The following ARHGEF33 variants were observed in gnomAD, a reference collection of about 807,000 sequenced individuals.
ARHGEF33 encodes Rho guanine nucleotide exchange factor 33.
ARHGEF33 carries 72 observed loss-of-function variants against 101.9 expected under a neutral mutation model. The ratio of observed to expected loss-of-function variants is 0.71; its 90% CI spans 0.58 to 0.86. The LOEUF (loss-of-function observed/expected upper bound fraction) is 0.86, where lower values mean the gene tolerates loss of function less well. ARHGEF33 is among the 40% of genes least tolerant of loss of function. The pLI, the probability that ARHGEF33 is intolerant of heterozygous loss-of-function variation, is 0.00. For missense variants in ARHGEF33, 1,169 were observed against 1,111.3 expected, an observed-to-expected ratio of 1.05 and a Z score of -0.74; for synonymous variants, 499 against 442.5, an observed-to-expected ratio of 1.13 and a Z score of -1.60.
intron 13 of ARHGEF33, among the ~76,000 whole-genome samples, chr2:38,956,310 G>A (rs1307667237): frequency 6.6e-6 from 1 of 152,120 alleles, no homozygotes; most frequent in Non-Finnish European, 1.5e-5. Flanking sequence ...TTCCTTACTT[G>A]TTAAATGGAG....
In ARHGEF33 at chr2:38,960,423, C is replaced by T. The variant is rs1197784418; in HGVS notation, c.2118C>T (p.Ser706=). 1.3e-6 allele frequency: 2 copies of T among 1,515,396 alleles called. No individual in the cohort carries two copies. Among genetic ancestry groups the T allele is most frequent in the Non-Finnish European group, 8.8e-7 (1 of 1,138,080 alleles). 93.9% of individuals were successfully genotyped at this position (1,515,396 alleles called of 1,614,324 possible). The change falls in exon 16 of 18, where the codon AGC becomes AGT. Residue 706 remains serine, a synonymous_variant. Coordinates refer to ENST00000409978, the MANE Select transcript of ARHGEF33 (RefSeq NM_001145451.5). ...AQAHGKAKPL[S]RSLKEFPRAP... ...CGCACGGCAAGGCCAAGCCGCTGAG[C>T]CGCTCTCTCAAAGAGTTCCCGCGTG...
chr2:38,921,320 G>A (rs1666751451), intron 3 of ARHGEF33, 54 bp from the exon 4 acceptor site: 3 of 1,069,312 alleles, frequency 2.8e-6, no homozygotes, highest in African/African-American at 1.6e-5. Context: ...GTATCTGGAG[G>A]GGATAGGGAC....
At chr2:38,905,426 GA>G (rs1666367734) in intron 2 of ARHGEF33, among the ~76,000 whole-genome samples, 1 of 152,208 alleles carries the variant, frequency 6.6e-6, no homozygotes, top group East Asian at 1.9e-4. Context: ...CCACACTGCT[GA>G]GTGATATTTG....
chr2:38,968,728 T>A (rs941423916), intron 17 of ARHGEF33, among the ~76,000 whole-genome samples: 6 of 152,198 alleles, frequency 3.9e-5, no homozygotes, highest in African/African-American at 1.4e-4. Context: ...CGAAGTGTTG[T>A]CTGAGTGGAA....
intron 2 of ARHGEF33, among the ~76,000 whole-genome samples, chr2:38,916,457 GA>G (rs1234261891): frequency 2.0e-5 from 3 of 152,120 alleles, no homozygotes; most frequent in African/African-American, 7.2e-5. Context: ...GAATGGATTA[GA>G]TATCAAGTAA....
At chr2:38,946,132 T>C (rs143405421) in intron 10 of ARHGEF33, among the ~76,000 whole-genome samples, 104 of 152,348 alleles carry the variant, frequency 6.8e-4, no homozygotes, top group Admixed American at 1.7e-3. Context: ...GTCTGCTACA[T>C]ATGTTGTCTA....
intron 6 of ARHGEF33, 143 bp from the exon 7 acceptor site, chr2:38,930,966 C>T (rs1666985846): frequency 3.5e-6 from 2 of 568,926 alleles, no homozygotes. Flanking sequence ...AGTATTTGAC[C>T]ACTTTTAATT....
rs182334314 is a variant in ARHGEF33 at position 38,966,540 on chromosome 2, G to A, written c.2483+395G>A. ...CATCAGATCTCCCCATCTGTGGAAA[G>A]TTTTCTAAGGGATCTCAGCGCTTCT... On this transcript the variant is annotated intron_variant, in intron 17 of 17. Transcript: ENST00000409978. Among the ~76,000 whole-genome samples the A allele has an allele frequency of 9.8e-5, 15 of 152,302 alleles. 1 individual carries two copies. The East Asian group carries it at 2.7e-3, about 27-fold the overall frequency.
chr2:38,970,459 A>C (rs904200239), intron 17 of ARHGEF33, among the ~76,000 whole-genome samples: 8 of 152,118 alleles, frequency 5.3e-5, no homozygotes, highest in South Asian at 2.1e-4. Flanking sequence ...TCCCACTCTT[A>C]CCCACTTTGG....
rs191270680 is a variant in ARHGEF33, at chr2:38,957,123, G to A, written c.1370+76G>A. 1.7e-5 allele frequency: 25 copies of A among 1,498,476 alleles called. No individual in the cohort carries two copies. In the East Asian group the frequency reaches 5.7e-4, roughly 34 times the overall value. The allele number at this position is 1,498,476 out of a possible 1,614,324, so 92.8% of individuals were successfully genotyped here. ...TGTCTTTCACAAGTAACCACGTTGT[G>A]TGTTAAGTACCTGAAATGCAGTGGT... is the stretch of plus-strand genomic sequence containing the variant. On this transcript the variant is annotated intron_variant, in intron 14 of 17. Coordinates refer to ENST00000409978, the MANE Select transcript of ARHGEF33 (RefSeq NM_001145451.5).
intron 10 of ARHGEF33, among the ~76,000 whole-genome samples, chr2:38,949,523 C>T (rs1470877355): frequency 3.3e-5 from 5 of 152,050 alleles, no homozygotes; most frequent in African/African-American, 1.2e-4. Context: ...CTGACGTCTC[C>T]CTTCTTCCCT....
At position 38,929,044 on chromosome 2, in the gene ARHGEF33, G is replaced by C. The variant is rs1342761875; in HGVS notation, c.213G>C (p.Glu71Asp). 6.4e-6 allele frequency: 10 copies of C among 1,550,600 alleles called. No individual in the cohort carries two copies. Among genetic ancestry groups the C allele is most frequent in the Admixed American group, 2.0e-5 (1 of 50,844 alleles). Residue 71 changes from glutamate (E) to aspartate (D), a missense_variant, in exon 5 of 18, where the codon GAG becomes GAC. Coordinates refer to ENST00000409978, the MANE Select transcript of ARHGEF33 (RefSeq NM_001145451.5). The part of the protein sequence containing the change: ...CRCSMEEKVT[E>D]MKNSLNYFKE... ...GTTCCATGGAAGAAAAAGTTACTGA[G>C]ATGAAGAATTCATTAAACTATTTCA...
chr2:38,957,107 C>T (rs1019781693), intron 14 of ARHGEF33, 60 bp downstream of exon 14: 2 of 1,525,524 alleles, frequency 1.3e-6, no homozygotes. Context: ...GTGTCTTTCA[C>T]AAGTAACCAC....
Position 38,965,987 on chromosome 2 carries a change from C to G in ARHGEF33, c.2344-19C>G, listed in dbSNP as rs1016108585. On this transcript the variant is annotated intron_variant, in intron 16 of 17. Coordinates refer to ENST00000409978, the MANE Select transcript of ARHGEF33 (RefSeq NM_001145451.5). ...CATTGGAAGGAGTAAAGAAAAAAAT[C>G]CCTCTTTTTTGTTTCCAGGAGATGC... 1 of 1,549,924 alleles carries G rather than the reference C, an allele frequency of 6.5e-7. No individual in the cohort carries two copies. The highest frequency in any genetic ancestry group is 8.7e-7 in the Non-Finnish European group (1 of 1,146,328).
intron 9 of ARHGEF33, among the ~76,000 whole-genome samples, chr2:38,939,179 G>A (rs1383378591): frequency 1.3e-5 from 2 of 152,128 alleles, no homozygotes; most frequent in Non-Finnish European, 2.9e-5. Context: ...TCACTGTGTT[G>A]GCCAGGCTAG....
At position 38,966,066 on chromosome 2, in the gene ARHGEF33, A is replaced by G. The variant is rs1412209227; in HGVS notation, c.2404A>G (p.Thr802Ala). ...CAAAGAAGAAAGAGAAAGTGAACAA[A>G]CATCTTTCAGCGATCAAAATCCCAG... ...CPKEERESEQ[T>A]SFSDQNPRQD... Residue 802 changes from threonine to alanine, a missense_variant, in exon 17 of 18, where the codon ACA becomes GCA. Coordinates refer to ENST00000409978, the MANE Select transcript of ARHGEF33 (RefSeq NM_001145451.5). 6.4e-7 allele frequency: 1 copy of G among 1,551,582 alleles called. No individual in the cohort carries two copies. Among genetic ancestry groups the G allele is most frequent in the Non-Finnish European group, 8.7e-7 (1 of 1,146,982 alleles).
At chr2:38,951,657 G>A (rs868624176) in intron 11 of ARHGEF33, among the ~76,000 whole-genome samples, 2 of 150,828 alleles carry the variant, frequency 1.3e-5, no homozygotes, top group African/African-American at 4.9e-5. Flanking sequence ...ATGCATCTGT[G>A]TATATATATA....
intron 8 of ARHGEF33, 24 bp from the exon 9 acceptor site, chr2:38,937,311 C>CTTGGGGGGGGGGGG: frequency 1.7e-6 from 1 of 583,932 alleles, no homozygotes; most frequent in Non-Finnish European, 3.0e-6. Context: ...CTTTGTTTCC[C>CTTGGGGGGGGGGGG]CGCCCCTCCC....
chr2:38,907,295 A>C (rs1393347290), intron 2 of ARHGEF33, among the ~76,000 whole-genome samples: 1 of 152,176 alleles, frequency 6.6e-6, no homozygotes, highest in Non-Finnish European at 1.5e-5. Flanking sequence ...GGCTTTGCTC[A>C]CTGGGAGTCT....
Sources: gnomAD v4.1 joint callset for allele counts (sites outside exome capture counted in the v4.1 genomes callset) on GRCh38, gnomAD v4.1.1 for gene constraint, MANE v1.5 for transcripts, NCBI Gene and HGNC (gene_info 2026-07-23, HGNC 2026-07-21) for gene names.